TUSC3: variants seen among roughly 807,000 people sequenced by gnomAD.
The protein encoded by TUSC3 is tumor suppressor candidate 3, also known as dolichyl-diphosphooligosaccharide--protein glycosyltransferase subunit TUSC3.
In TUSC3, 45 loss-of-function variants were observed where a neutral mutation model predicts 44.8. The observed-to-expected ratio is 1.00, with a 90% confidence interval of 0.79 to 1.29. The LOEUF is 1.29. Ranked by LOEUF, TUSC3 falls within the 50% of genes most tolerant of loss-of-function variation. The probability of loss-of-function intolerance (pLI) is 0.00; values close to 1 mark genes in which losing one functional copy is unlikely to be tolerated. For missense variants in TUSC3, 519 were observed against 437.9 expected, an observed-to-expected ratio of 1.19 and a Z score of -1.65; for synonymous variants, 212 against 152.9, an observed-to-expected ratio of 1.39 and a Z score of -2.85.
the TUSC3 span, among the ~76,000 whole-genome samples, chr8:15,846,442 T>G: frequency 6.6e-6 from 1 of 152,216 alleles, no homozygotes; most frequent in South Asian, 2.1e-4. Context: ...GCAGCACTAT[T>G]CACAATACCA....
chr8:15,459,896 A>T (rs775601041), intron 1 of TUSC3, among the ~76,000 whole-genome samples: 27 of 151,918 alleles, frequency 1.8e-4, no homozygotes, highest in Admixed American at 2.0e-4. Flanking sequence ...ACATACATAC[A>T]TACATACACA....
chr8:15,640,983 C>T (rs1806339072), intron 2 of TUSC3, among the ~76,000 whole-genome samples: 1 of 152,134 alleles, frequency 6.6e-6, no homozygotes, highest in Non-Finnish European at 1.5e-5. Context: ...TTTATCTGCT[C>T]CCATGTACTA....
chr8:15,743,615 A>C lies in TUSC3; in HGVS notation c.937+3A>C. The C allele has an allele frequency of 6.2e-7, 1 of 1,613,916 alleles. No homozygotes were observed. The highest frequency in any genetic ancestry group is 8.5e-7 in the Non-Finnish European group (1 of 1,179,818). On this transcript the variant is annotated splice_donor_region_variant and intron_variant, in intron 8 of 10. Transcript: ENST00000503731. ...AGGCGATGTTGGAAAAAGACGGAGT[A>C]AGTCTCTGTGTTGCCATTTTTGTAA...
At chr8:15,529,052 A>T (rs1397656195) in intron 2 of TUSC3, among the ~76,000 whole-genome samples, 1 of 152,212 alleles carries the variant, frequency 6.6e-6, no homozygotes, top group Admixed American at 6.5e-5. Context: ...GATACATAGA[A>T]CATGCTACAC....
intron 2 of TUSC3, among the ~76,000 whole-genome samples, chr8:15,513,711 C>G (rs1000773926): frequency 1.3e-5 from 2 of 152,040 alleles, no homozygotes; most frequent in African/African-American, 4.8e-5. Flanking sequence ...TGGGTCTACA[C>G]ACATTTTCGC....
chr8:15,809,463 A>G, the TUSC3 span, among the ~76,000 whole-genome samples: 1 of 151,726 alleles, frequency 6.6e-6, no homozygotes, highest in South Asian at 2.1e-4. Context: ...TTGGTGTTAC[A>G]CCTATTTGAG....
At chr8:15,833,778 A>T in the TUSC3 span, among the ~76,000 whole-genome samples, 2 of 152,186 alleles carry the variant, frequency 1.3e-5, no homozygotes, top group Middle Eastern at 3.4e-3. Context: ...TCTGTACAAC[A>T]AACCCCGTTG....
intron 1 of TUSC3, among the ~76,000 whole-genome samples, chr8:15,429,400 A>G (rs377317323): frequency 0.1 from 14,428 of 139,786 alleles, 971 homozygotes; most frequent in Middle Eastern, 0.15. Context: ...AAGTCAGGTA[A>G]TGTGATGCCT....
At chr8:15,608,543 C>A (rs1164536834) in intron 1 of TUSC3, among the ~76,000 whole-genome samples, 1 of 152,076 alleles carries the variant, frequency 6.6e-6, no homozygotes, top group African/African-American at 2.4e-5. Context: ...TGTCCCCATC[C>A]AAATCTCATC....
rs137959444 is a variant in TUSC3 at position 15,674,756 on chromosome 8, A to AG, written c.798+921dup. On this transcript the variant is annotated intron_variant, in intron 6 of 10. Coordinates refer to ENST00000503731, the MANE Select transcript of TUSC3 (RefSeq NM_006765.4). ...CTTTGAATAATTGGTTGCCATAATAAGTTAGACATAGTTTTTGCTATATTT... is the reference window on the plus strand; with the variant it reads ...CTTTGAATAATTGGTTGCCATAATAAGGTTAGACATAGTTTTTGCTATATTT... Among the ~76,000 whole-genome samples the AG allele has an allele frequency of 7.4e-4, 113 of 152,190 alleles. 1 individual carries two copies. In the East Asian group the frequency reaches 0.018, roughly 24 times the overall value.
In TUSC3 at chr8:15,475,500, A is replaced by C. The variant is rs1800562609; in HGVS notation, n.92-7886A>C. Among the ~76,000 whole-genome samples the C allele has an allele frequency of 5.9e-5, 9 of 152,124 alleles. No individual in the cohort carries two copies. In the South Asian group the frequency reaches 1.9e-3, roughly 32 times the overall value. On this transcript the variant is annotated intron_variant and non_coding_transcript_variant, in intron 1 of 5. Transcript: ENST00000503191. ...TCTCAGTCTCTTAGCCAAATTTCCA[A>C]AGAGATTTTTAAATTCCCCTAGATA... is the stretch of plus-strand genomic sequence containing the variant.
the TUSC3 span, among the ~76,000 whole-genome samples, chr8:15,794,837 G>C: frequency 6.6e-6 from 1 of 152,228 alleles, no homozygotes; most frequent in African/African-American, 2.4e-5. Context: ...TTGCTCTAGA[G>C]AGACGAACTA....
At chr8:15,431,127 A>G (rs1027716893) in intron 1 of TUSC3, among the ~76,000 whole-genome samples, 1 of 151,734 alleles carries the variant, frequency 6.6e-6, no homozygotes, top group Non-Finnish European at 1.5e-5. Context: ...TGATGGCTCC[A>G]GATTTGTTTA....
intron 1 of TUSC3, among the ~76,000 whole-genome samples, chr8:15,570,954 G>GTTTTTGTTTTTTTTTTTTTTT (rs1802850701): frequency 2.2e-5 from 1 of 44,494 alleles, no homozygotes; most frequent in Non-Finnish European, 5.2e-5. Flanking sequence ...TTGCCTATTA[G>GTTTTTGTTTTTTTTTTTTTTT]TTTTTTTTTT....
intron 2 of TUSC3, among the ~76,000 whole-genome samples, chr8:15,514,404 A>G (rs1801186769): frequency 6.6e-6 from 1 of 152,260 alleles, no homozygotes; most frequent in Non-Finnish European, 1.5e-5. Flanking sequence ...AAACTTGCTC[A>G]TGATTACAAA....
chr8:15,625,079 A>G (rs1343087428), intron 2 of TUSC3, among the ~76,000 whole-genome samples: 2 of 152,186 alleles, frequency 1.3e-5, no homozygotes, highest in Non-Finnish European at 2.9e-5. Flanking sequence ...GAGGTGCTGC[A>G]TTAAAAAAAT....
In TUSC3 at chr8:15,483,649, A is replaced by ATT. The variant is rs60092911; in HGVS notation, n.189+189_189+190dup. 8.7e-3 allele frequency among the ~76,000 whole-genome samples: 575 copies of ATT among 66,122 alleles called. 45 individuals are homozygous for ATT. Among genetic ancestry groups the ATT allele is most frequent in the South Asian group, 0.038 (57 of 1,504 alleles). The allele number at this position is 66,122 out of a possible 152,430, so 43.4% of individuals were successfully genotyped here. A position where few individuals can be genotyped will look rare whatever the true frequency, so the allele number is the denominator to read the frequency against. On this transcript the variant is annotated intron_variant and non_coding_transcript_variant, in intron 2 of 5. Transcript: ENST00000503191. ...CCGTCGTGCCCAGCCTAGCACTGTG[A>ATT]TTTTTTTTTTTTTTTTTTTTTTTTG...
At chr8:15,563,621 G>A (rs1271851851) in intron 1 of TUSC3, among the ~76,000 whole-genome samples, 3 of 147,958 alleles carry the variant, frequency 2.0e-5, no homozygotes, top group Admixed American at 6.9e-5. Flanking sequence ...GGGAGGCAGA[G>A]GATTCAGTGA....
chr8:15,503,101 A>G (rs1403868211), intron 2 of TUSC3, among the ~76,000 whole-genome samples: 1 of 152,158 alleles, frequency 6.6e-6, no homozygotes, highest in Non-Finnish European at 1.5e-5. Flanking sequence ...AATCCCCAGA[A>G]CCTCGGAATG....
Sources: allele counts gnomAD v4.1 joint callset (sites outside exome capture counted in the v4.1 genomes callset), GRCh38; gene constraint gnomAD v4.1.1; transcripts MANE v1.5; gene names NCBI Gene and HGNC (gene_info 2026-07-23, HGNC 2026-07-21).